ODR4: variants seen among roughly 807,000 people sequenced by gnomAD.
ODR4 encodes the protein protein odr-4 homolog.
A neutral mutation model predicts 60.2 loss-of-function variants in ODR4; 47 were observed. The observed-to-expected ratio is 0.78, with a 90% CI of 0.62 to 1.00. The LOEUF is 1.00. ODR4 is among the 50% of genes least tolerant of loss of function. The pLI is 0.00. For missense variants in ODR4, 488 were observed against 530.8 expected, an observed-to-expected ratio of 0.92 and a Z score of 0.79; for synonymous variants, 178 against 175.5, an observed-to-expected ratio of 1.01 and a Z score of -0.11.
At chr1:186,390,638 A>G (rs1431938385) in intron 6 of ODR4, 73 bp from the exon 7 acceptor site, 3 of 1,451,210 alleles carry the variant, frequency 2.1e-6, no homozygotes, top group Non-Finnish European at 2.9e-6. Context: ...TTGTATATTT[A>G]ATAATGTTTT....
the ODR4 span, among the ~76,000 whole-genome samples, chr1:186,430,269 A>G: frequency 6.6e-6 from 1 of 152,114 alleles, no homozygotes; most frequent in South Asian, 2.1e-4. Context: ...ACTTAACACC[A>G]TTAAATGAAG....
intron 2 of ODR4, among the ~76,000 whole-genome samples, chr1:186,382,172 G>A (rs1660060605): frequency 1.3e-5 from 2 of 151,170 alleles, no homozygotes; most frequent in African/African-American, 4.9e-5. Context: ...TTGGGAGGCC[G>A]AGGTGGGAGG....
At chr1:186,399,346 C>CA in intron 11 of ODR4, 1 of 374,304 alleles carries the variant, frequency 2.7e-6, no homozygotes, top group Non-Finnish European at 5.0e-6. Flanking sequence ...GGTGGGCCTG[C>CA]AGGCACATGC....
Position 186,390,703 on chromosome 1 carries a change from A to G in ODR4, c.475-8A>G. On this transcript the variant is annotated splice_region_variant and splice_polypyrimidine_tract_variant and intron_variant, in intron 6 of 13. Transcript: ENST00000287859. ...TCATAGTTATTTTTCTCCCTTCTCC[A>G]CTGCTAGAGTTCAGCAAGACCAGCA... 1.2e-6 allele frequency: 2 copies of G among 1,612,882 alleles called. No individual in the cohort carries two copies. The highest frequency in any genetic ancestry group is 1.7e-5 in the Admixed American group (1 of 59,976).
chr1:186,401,492 CTTTCTT>C (rs1660945899), intron 11 of ODR4: 1 of 205,198 alleles, frequency 4.9e-6, no homozygotes, highest in Admixed American at 6.3e-5. Context: ...TTCTCTCTTT[CTTTCTT>C]TCTCTCTCTC....
At chr1:186,412,214 G>T (rs888121554) in intron 12 of ODR4, among the ~76,000 whole-genome samples, 1 of 152,146 alleles carries the variant, frequency 6.6e-6, no homozygotes, top group Non-Finnish European at 1.5e-5. Flanking sequence ...GCTGTAATAT[G>T]CTGATCCCTG....
At position 186,417,575 on chromosome 1, in the gene ODR4, T is replaced by G; in HGVS notation, c.1218T>G (p.Ala406=). ...ACMSSSMNSQ[A]SLDNTDDEQP... ...TGAGTTCTTCTATGAATAGTCAAGC[T>G]TCATTGGACAACACAGATGATGAAC... Residue 406 remains alanine (A), a synonymous_variant, in exon 13 of 14, where the codon GCT becomes GCG. Coordinates refer to ENST00000287859, the MANE Select transcript of ODR4 (RefSeq NM_017847.6). 6 of 1,599,848 alleles carry G rather than the reference T, an allele frequency of 3.8e-6. No individual in the cohort carries two copies. Among genetic ancestry groups the G allele is most frequent in the Non-Finnish European group, 3.4e-6 (4 of 1,171,640 alleles).
rs1329577522 is a variant in ODR4 at position 186,398,428 on chromosome 1, A to AAGAT, written c.897_900dup (p.Ala301ArgfsTer16). On this transcript the variant is annotated frameshift_variant, in exon 10 of 14. Coordinates refer to ENST00000287859, the MANE Select transcript of ODR4 (RefSeq NM_017847.6). LOFTEE classifies it high-confidence loss of function. Reference sequence around the variant, plus strand: ...ATCCACAGCAGTAAACCCAAAGTTAAAGATGCTGTGCAGGTACAAAAAGGA... The same window carrying AAGAT: ...ATCCACAGCAGTAAACCCAAAGTTAAAGATAGATGCTGTGCAGGTACAAAAAGGA... 1 of 1,606,946 alleles carries AAGAT rather than the reference A, an allele frequency of 6.2e-7. No homozygotes were observed. The highest frequency in any genetic ancestry group is 8.5e-7 in the Non-Finnish European group (1 of 1,176,222).
rs1033765799 is a variant in ODR4 at position 186,403,260 on chromosome 1, CT to C, written c.1001-2819del. On this transcript the variant is annotated intron_variant, in intron 11 of 13. Transcript: ENST00000287859. ...TTAAAAAAATTTTTTTAATTTTTAA[CT>C]TTTGTGGATACATAGTAGGTATATA... Among the ~76,000 whole-genome samples, 44 of 151,642 alleles carry C rather than the reference CT, an allele frequency of 2.9e-4. 1 individual carries two copies. Among genetic ancestry groups the C allele is most frequent in the African/African-American group, 1.1e-3 (44 of 41,346 alleles).
chr1:186,425,967 T>C (rs1661874165), downstream of ODR4, among the ~76,000 whole-genome samples: 1 of 152,216 alleles, frequency 6.6e-6, no homozygotes, highest in Admixed American at 6.5e-5. Flanking sequence ...CTAGAAGTAG[T>C]CAGGTGGCAT....
At chr1:186,408,389 A>G (rs1464310057) in intron 12 of ODR4, among the ~76,000 whole-genome samples, 2 of 151,966 alleles carry the variant, frequency 1.3e-5, no homozygotes. Context: ...AACATTTTCA[A>G]GTGTAAATGG....
chr1:186,389,913 G>C (rs1183779862), intron 6 of ODR4, among the ~76,000 whole-genome samples: 1 of 152,148 alleles, frequency 6.6e-6, no homozygotes, highest in African/African-American at 2.4e-5. Flanking sequence ...TCAGCCTCTT[G>C]AGTAGCTGAG....
At chr1:186,376,614 A>G (rs987883672) in intron 1 of ODR4, among the ~76,000 whole-genome samples, 8 of 152,236 alleles carry the variant, frequency 5.3e-5, no homozygotes, top group African/African-American at 1.9e-4. Flanking sequence ...AAATGGAAGC[A>G]TTTTATGATA....
At chr1:186,432,833 T>C in the ODR4 span, among the ~76,000 whole-genome samples, 1 of 151,658 alleles carries the variant, frequency 6.6e-6, no homozygotes, top group Non-Finnish European at 1.5e-5. Context: ...TCACCCAGGC[T>C]AGAGTGCAAT....
chr1:186,406,043 A>C (rs540792763), intron 11 of ODR4, 40 bp from the exon 12 acceptor site: 1 of 1,383,736 alleles, frequency 7.2e-7, no homozygotes. Context: ...TACCAGTGAC[A>C]AACCTATCTA....
At chr1:186,388,771 A>C (rs1289389151) in intron 5 of ODR4, among the ~76,000 whole-genome samples, 1 of 152,224 alleles carries the variant, frequency 6.6e-6, no homozygotes, top group Non-Finnish European at 1.5e-5. Flanking sequence ...GTAATATGAA[A>C]GACTCAGGAT....
At chr1:186,395,345 G>T (rs1660631519) in intron 9 of ODR4, among the ~76,000 whole-genome samples, 1 of 151,940 alleles carries the variant, frequency 6.6e-6, no homozygotes, top group African/African-American at 2.4e-5. Flanking sequence ...CGCCTGCCTC[G>T]GCCTCCCAAA....
chr1:186,410,054 G>A (rs529256622), intron 12 of ODR4, among the ~76,000 whole-genome samples: 2 of 152,308 alleles, frequency 1.3e-5, no homozygotes, highest in Non-Finnish European at 2.9e-5. Context: ...ATTTTTGAGA[G>A]TAAGTAGAGT....
intron 8 of ODR4, among the ~76,000 whole-genome samples, chr1:186,393,037 A>G (rs1660529125): frequency 6.6e-6 from 1 of 152,178 alleles, no homozygotes; most frequent in African/African-American, 2.4e-5. Context: ...AAGAAAACTA[A>G]CAGAGGAACA....
Sources: gnomAD v4.1 joint callset for allele counts (sites outside exome capture counted in the v4.1 genomes callset) on GRCh38, gnomAD v4.1.1 for gene constraint, MANE v1.5 for transcripts, NCBI Gene and HGNC (gene_info 2026-07-23, HGNC 2026-07-21) for gene names.